CNTNAP5: variants seen among roughly 807,000 people sequenced by gnomAD.
CNTNAP5 encodes contactin-associated protein-like 5.
In CNTNAP5, 72 loss-of-function variants were observed where a neutral mutation model predicts 150.2. The ratio of observed to expected loss-of-function variants is 0.48; its 90% CI spans 0.40 to 0.58. The LOEUF is 0.58. CNTNAP5 is among the 20% of genes least tolerant of loss of function. The probability of loss-of-function intolerance (pLI) is 0.00; values close to 1 mark genes in which losing one functional copy is unlikely to be tolerated. For synonymous variants in CNTNAP5, 672 were observed against 619.8 expected (o/e 1.08, Z -1.25); for missense variants, 1,636 against 1,626.2 (o/e 1.01, Z -0.10).
intron 1 of CNTNAP5, among the ~76,000 whole-genome samples, chr2:124,082,348 C>CAAAAA (rs56285830): frequency 1.4e-5 from 1 of 73,600 alleles, no homozygotes; most frequent in African/African-American, 5.3e-5. Context: ...GACTCTCTCT[C>CAAAAA]AAAAAAAAAA....
intron 19 of CNTNAP5, among the ~76,000 whole-genome samples, chr2:124,863,539 C>T (rs1041001215): frequency 3.3e-5 from 5 of 152,228 alleles, no homozygotes; most frequent in Non-Finnish European, 5.9e-5. Flanking sequence ...GCTTCTCCTT[C>T]TGGCCTCAGA....
At chr2:124,364,758 A>C (rs1690321442) in intron 3 of CNTNAP5, among the ~76,000 whole-genome samples, 1 of 152,270 alleles carries the variant, frequency 6.6e-6, no homozygotes, top group Non-Finnish European at 1.5e-5. Flanking sequence ...AACTGCATTA[A>C]GTATAATACC....
intron 1 of CNTNAP5, among the ~76,000 whole-genome samples, chr2:124,155,327 C>T (rs1171226551): frequency 6.6e-6 from 1 of 152,092 alleles, no homozygotes; most frequent in East Asian, 1.9e-4. Context: ...TCTTCAACCT[C>T]CTGTAATCAT....
At chr2:124,116,795 C>A (rs780849896) in intron 1 of CNTNAP5, among the ~76,000 whole-genome samples, 3 of 152,206 alleles carry the variant, frequency 2.0e-5, no homozygotes, top group Non-Finnish European at 4.4e-5. Flanking sequence ...TCCTCTGTGA[C>A]ATTCCTCCTA....
At chr2:124,907,558 T>A (rs182491085) in intron 22 of CNTNAP5, among the ~76,000 whole-genome samples, 27 of 148,348 alleles carry the variant, frequency 1.8e-4, no homozygotes, top group East Asian at 7.8e-4. Context: ...AATATATAGA[T>A]CTTGATCTAT....
intron 10 of CNTNAP5, among the ~76,000 whole-genome samples, chr2:124,558,503 G>A (rs933275743): frequency 5.3e-5 from 8 of 152,242 alleles, no homozygotes; most frequent in South Asian, 2.1e-4. Flanking sequence ...GTTCAGGAGC[G>A]AAGACTGAAC....
intron 3 of CNTNAP5, among the ~76,000 whole-genome samples, chr2:124,271,560 A>T (rs1465164204): frequency 6.6e-6 from 1 of 152,282 alleles, no homozygotes; most frequent in African/African-American, 2.4e-5. Flanking sequence ...ACAAAATCTG[A>T]TCAGGGTCTC....
chr2:124,636,846 C>A (rs1425266112), intron 12 of CNTNAP5, among the ~76,000 whole-genome samples: 1 of 152,066 alleles, frequency 6.6e-6, no homozygotes, highest in Non-Finnish European at 1.5e-5. Flanking sequence ...TAGCCAGATA[C>A]CCTTCACGTT....
At chr2:124,212,157 T>A (rs1182727858) in intron 1 of CNTNAP5, among the ~76,000 whole-genome samples, 1 of 152,222 alleles carries the variant, frequency 6.6e-6, no homozygotes, top group Non-Finnish European at 1.5e-5. Flanking sequence ...TTTTAAAATA[T>A]AAAGACATCA....
chr2:124,839,649 C>T (rs1266009829), intron 19 of CNTNAP5, among the ~76,000 whole-genome samples: 1 of 152,104 alleles, frequency 6.6e-6, no homozygotes, highest in Non-Finnish European at 1.5e-5. Flanking sequence ...TTAGACTACT[C>T]TGTTCTTAAG....
intron 7 of CNTNAP5, among the ~76,000 whole-genome samples, chr2:124,478,532 A>C (rs1006923470): frequency 6.6e-6 from 1 of 152,106 alleles, no homozygotes; most frequent in African/African-American, 2.4e-5. Flanking sequence ...GTACACACAC[A>C]CCCACACACA....
At chr2:124,441,684 G>A (rs974952065) in intron 5 of CNTNAP5, among the ~76,000 whole-genome samples, 2 of 151,856 alleles carry the variant, frequency 1.3e-5, no homozygotes, top group Non-Finnish European at 2.9e-5. Context: ...AATGAACTCA[G>A]ATTTTTTTTT....
chr2:124,095,925 G>A (rs941405110), intron 1 of CNTNAP5, among the ~76,000 whole-genome samples: 8 of 152,162 alleles, frequency 5.3e-5, no homozygotes, highest in South Asian at 2.1e-4. Context: ...AGATGAATAA[G>A]TTGAGGCTTA....
chr2:124,414,850 G>A lies in CNTNAP5; in HGVS notation c.382-2593G>A, dbSNP rs1176939621. ...TAGATAAATAATGCTACAGACCTAC[G>A]GACTCACATGCCTGGGGAGGTGGGA... On this transcript the variant is annotated intron_variant, in intron 3 of 23. Transcript: ENST00000682447. 2.6e-5 allele frequency among the ~76,000 whole-genome samples: 4 copies of A among 151,940 alleles called. No individual in the cohort carries two copies. In the East Asian group the frequency reaches 7.7e-4, roughly 29 times the overall value.
At position 124,537,645 on chromosome 2, in the gene CNTNAP5, C is replaced by T. The variant is rs548639630; in HGVS notation, c.1649+10189C>T. Among the ~76,000 whole-genome samples, 6 of 152,248 alleles carry T rather than the reference C, an allele frequency of 3.9e-5. No individual in the cohort carries two copies. The East Asian group carries it at 1.2e-3, about 29-fold the overall frequency. On this transcript the variant is annotated intron_variant, in intron 10 of 23. Transcript: ENST00000682447. ...CCAGAAAAAGGACTGATTCATTTCT[C>T]TACTTCTTTAATGAGGGTTTCCTTC...
intron 7 of CNTNAP5, among the ~76,000 whole-genome samples, chr2:124,503,054 T>C (rs1694313759): frequency 6.6e-6 from 1 of 152,220 alleles, no homozygotes; most frequent in African/African-American, 2.4e-5. Flanking sequence ...ATATATACTG[T>C]GGGTGATTGC....
chr2:124,755,566 T>G (rs1294831816), intron 14 of CNTNAP5, among the ~76,000 whole-genome samples: 1 of 152,174 alleles, frequency 6.6e-6, no homozygotes, highest in Non-Finnish European at 1.5e-5. Flanking sequence ...GCTGTTCTCA[T>G]GTTCCTTTCA....
intron 1 of CNTNAP5, among the ~76,000 whole-genome samples, chr2:124,203,917 A>G (rs1010111264): frequency 6.6e-6 from 1 of 152,152 alleles, no homozygotes; most frequent in Admixed American, 6.5e-5. Flanking sequence ...GGCCAGTAAC[A>G]TTTGGCGCCT....
chr2:124,313,278 T>C (rs142258583), intron 3 of CNTNAP5, among the ~76,000 whole-genome samples: 1 of 150,204 alleles, frequency 6.7e-6, no homozygotes, highest in African/African-American at 2.4e-5. Context: ...TGTTTCGTTT[T>C]GTTTTGTTTT....
Sources: gnomAD v4.1 joint callset for allele counts (sites outside exome capture counted in the v4.1 genomes callset) on GRCh38, gnomAD v4.1.1 for gene constraint, MANE v1.5 for transcripts, NCBI Gene and HGNC (gene_info 2026-07-23, HGNC 2026-07-21) for gene names.